Variants in ERBIN observed in about 807,000 individuals in gnomAD.
ERBIN encodes erbb2 interacting protein.
Under a neutral mutation model 158.4 loss-of-function variants are expected in ERBIN, and 60 were observed. That is an observed-to-expected ratio of 0.38 (90% CI 0.31 to 0.47). The LOEUF (loss-of-function observed/expected upper bound fraction) is 0.47. Among genes scored for constraint, ERBIN ranks in the 20% least tolerant of loss-of-function variants. The pLI is 0.99. For synonymous variants in ERBIN, 594 were observed against 557.2 expected (o/e 1.07, Z -0.93); for missense variants, 1,610 against 1,648.0 (o/e 0.98, Z 0.40).
intron 7 of ERBIN, among the ~76,000 whole-genome samples, chr5:66,015,682 A>T (rs1453412200): frequency 6.6e-6 from 1 of 152,138 alleles, no homozygotes; most frequent in African/African-American, 2.4e-5. Flanking sequence ...ATAGAAAATT[A>T]AAAAATTAGC....
chr5:65,937,002 A>G (rs1480826763), intron 1 of ERBIN, among the ~76,000 whole-genome samples: 2 of 152,236 alleles, frequency 1.3e-5, no homozygotes, highest in Non-Finnish European at 2.9e-5. Context: ...GCAATATAGT[A>G]TAGTATGTAA....
chr5:65,997,703 G>A (rs1402573139), intron 4 of ERBIN, among the ~76,000 whole-genome samples: 1 of 152,140 alleles, frequency 6.6e-6, no homozygotes, highest in African/African-American at 2.4e-5. Context: ...GTCCCACCAA[G>A]TTAGTGCAGC....
In ERBIN at chr5:66,054,767, A is replaced by G; in HGVS notation, c.3449A>G (p.Asn1150Ser). 1.2e-6 allele frequency: 2 copies of G among 1,614,140 alleles called. No homozygotes were observed. The highest frequency in any genetic ancestry group is 1.7e-6 in the Non-Finnish European group (2 of 1,180,004). Residue 1150 changes from asparagine (N) to serine (S), a missense_variant, in exon 21 of 26, where the codon AAT becomes AGT. Asn to Ser is a conservative substitution (Grantham distance 46). Around this residue, in one of 2 missense-constraint regions of ERBIN, gnomAD observed 1,014 missense variants for 936.1 expected, o/e 1.08. Coordinates refer to ENST00000284037, the MANE Select transcript of ERBIN (RefSeq NM_001253697.2). ...SRPQSARPSI[N>S]EIPERTMSVS... ...CCTCAGAGTGCTCGACCCTCTATTA[A>G]TGAAATACCAGAGAGAACTATGTCA...
intron 1 of ERBIN, among the ~76,000 whole-genome samples, chr5:65,948,748 G>T (rs1408833130): frequency 7.2e-6 from 1 of 139,014 alleles, no homozygotes; most frequent in African/African-American, 2.6e-5. Context: ...TGACATACTG[G>T]AGTTCTGTTT....
At chr5:66,008,939 C>T (rs2151095837) in intron 4 of ERBIN, among the ~76,000 whole-genome samples, 1 of 152,294 alleles carries the variant, frequency 6.6e-6, no homozygotes, top group East Asian at 1.9e-4. Context: ...ATAATTAACT[C>T]AGCAATTCCA....
Position 66,029,298 on chromosome 5 carries a change from A to G in ERBIN, c.1206+955A>G, listed in dbSNP as rs529044131. ...TCTAACAAAATAGAATGTACAATTT[A>G]CTGATCTTTTGAATTAAAAAATTAA... is the stretch of plus-strand genomic sequence containing the variant. On this transcript the variant is annotated intron_variant, in intron 14 of 25. Coordinates refer to ENST00000284037, the MANE Select transcript of ERBIN (RefSeq NM_001253697.2). 2.0e-5 allele frequency among the ~76,000 whole-genome samples: 3 copies of G among 152,290 alleles called. No individual in the cohort carries two copies. The South Asian group carries it at 6.2e-4, about 32-fold the overall frequency.
At chr5:66,060,800 C>T (rs1193362933) in intron 21 of ERBIN, among the ~76,000 whole-genome samples, 1 of 152,080 alleles carries the variant, frequency 6.6e-6, no homozygotes, top group African/African-American at 2.4e-5. Flanking sequence ...CGTTAGGTAC[C>T]CAGTAGTCAT....
chr5:66,013,686 GT>G, intron 6 of ERBIN, 48 bp downstream of exon 6: 3 of 1,268,064 alleles, frequency 2.4e-6, no homozygotes, highest in Non-Finnish European at 3.5e-6. Flanking sequence ...CTCTTATAAA[GT>G]TTACAAAACT....
At chr5:65,929,937 G>A (rs1743160594) in intron 1 of ERBIN, among the ~76,000 whole-genome samples, 1 of 152,074 alleles carries the variant, frequency 6.6e-6, no homozygotes, top group Non-Finnish European at 1.5e-5. Context: ...ACTGAGCCCG[G>A]CCTACTGCTA....
intron 1 of ERBIN, among the ~76,000 whole-genome samples, chr5:65,930,782 T>C (rs1743268660): frequency 6.6e-6 from 1 of 152,242 alleles, no homozygotes; most frequent in African/African-American, 2.4e-5. Context: ...CAGATATATT[T>C]CTCTGTTCCT....
At chr5:66,003,138 C>T (rs556173624) in intron 4 of ERBIN, among the ~76,000 whole-genome samples, 6 of 152,256 alleles carry the variant, frequency 3.9e-5, no homozygotes, top group South Asian at 2.1e-4. Context: ...GACCAGAACT[C>T]GAATGTTTTA....
intron 1 of ERBIN, among the ~76,000 whole-genome samples, chr5:65,955,259 C>T (rs2068576893): frequency 6.6e-6 from 1 of 152,104 alleles, no homozygotes; most frequent in Non-Finnish European, 1.5e-5. Context: ...AAAGTATGTG[C>T]TGAATTAGAA....
rs115211700 is a variant in ERBIN, at chr5:65,929,557, T to G, written c.-58+2751T>G. 5.8e-3 allele frequency among the ~76,000 whole-genome samples: 889 copies of G among 152,260 alleles called. 8 individuals carry two copies. Among genetic ancestry groups the G allele is most frequent in the African/African-American group, 0.02 (834 of 41,556 alleles). On this transcript the variant is annotated intron_variant, in intron 1 of 25. Transcript: ENST00000284037. ...GCCTTGCTCATTCATTTCTTGAATTTGTTACATGCTTGCTTCCGTTTTCTT... is the reference window on the plus strand; with the variant it reads ...GCCTTGCTCATTCATTTCTTGAATTGGTTACATGCTTGCTTCCGTTTTCTT...
At chr5:65,944,082 A>G (rs187989331) in intron 1 of ERBIN, among the ~76,000 whole-genome samples, 107 of 152,252 alleles carry the variant, frequency 7.0e-4, no homozygotes, top group African/African-American at 2.6e-3. Context: ...TATTTTAGCC[A>G]TTGTGGATAA....
chr5:66,058,438 C>T (rs2151255776), intron 21 of ERBIN, among the ~76,000 whole-genome samples: 1 of 151,862 alleles, frequency 6.6e-6, no homozygotes, highest in South Asian at 2.1e-4. Flanking sequence ...GATATTAGCC[C>T]TTTGTCAGAT....
chr5:66,065,506 G>A (rs1299171287), intron 21 of ERBIN, among the ~76,000 whole-genome samples: 2 of 151,898 alleles, frequency 1.3e-5, no homozygotes, highest in East Asian at 3.9e-4. Context: ...ACCTAGGTAA[G>A]TGGTTTTCAA....
At chr5:65,981,112 T>C (rs926800188) in intron 1 of ERBIN, among the ~76,000 whole-genome samples, 1 of 152,148 alleles carries the variant, frequency 6.6e-6, no homozygotes, top group Non-Finnish European at 1.5e-5. Flanking sequence ...TGGAATTACA[T>C]AGAAATCAGT....
intron 2 of ERBIN, among the ~76,000 whole-genome samples, chr5:65,992,443 G>A (rs1751979413): frequency 2.6e-5 from 4 of 151,686 alleles, no homozygotes; most frequent in Admixed American, 6.6e-5. Flanking sequence ...CACTGCGCCC[G>A]GCCTCAAAGC....
At chr5:66,018,006 T>G (rs1754977498) in intron 7 of ERBIN, among the ~76,000 whole-genome samples, 1 of 152,090 alleles carries the variant, frequency 6.6e-6, no homozygotes, top group South Asian at 2.1e-4. Flanking sequence ...ATGCATGGAT[T>G]TATGTCTGGG....
Sources: allele counts gnomAD v4.1 joint callset (sites outside exome capture counted in the v4.1 genomes callset), GRCh38; gene constraint gnomAD v4.1.1; regional missense constraint gnomAD v4.1.1; transcripts MANE v1.5; gene names NCBI Gene and HGNC (gene_info 2026-07-23, HGNC 2026-07-21).